STXBP5L: variants seen among roughly 807,000 people sequenced by gnomAD.
STXBP5L encodes syntaxin-binding protein 5-like.
STXBP5L carries 65 observed loss-of-function variants against 144.5 expected under a neutral mutation model. That is an observed-to-expected ratio of 0.45 (90% CI 0.37 to 0.55). The LOEUF is 0.55. Among genes scored for constraint, STXBP5L ranks in the 20% least tolerant of loss-of-function variants. The probability of loss-of-function intolerance (pLI) is 0.00; values close to 1 mark genes in which losing one functional copy is unlikely to be tolerated. For missense variants in STXBP5L, 1,298 were observed against 1,405.5 expected, an observed-to-expected ratio of 0.92 and a Z score of 1.22; for synonymous variants, 505 against 469.6, an observed-to-expected ratio of 1.08 and a Z score of -0.97.
At chr3:121,085,641 G>C (rs1316410649) in intron 5 of STXBP5L, among the ~76,000 whole-genome samples, 1 of 152,078 alleles carries the variant, frequency 6.6e-6, no homozygotes, top group East Asian at 1.9e-4. Context: ...AGCACTTCAA[G>C]AACTACAAAC....
At chr3:121,125,649 C>A (rs1027194387) in intron 7 of STXBP5L, among the ~76,000 whole-genome samples, 1 of 152,088 alleles carries the variant, frequency 6.6e-6, no homozygotes, top group African/African-American at 2.4e-5. Context: ...CTCTTAGCTT[C>A]TCTTGTCTCC....
intron 2 of STXBP5L, among the ~76,000 whole-genome samples, chr3:120,946,593 G>A (rs1710870455): frequency 6.6e-6 from 1 of 151,802 alleles, no homozygotes; most frequent in African/African-American, 2.4e-5. Context: ...TTGGGGAACA[G>A]TAGACAGTCC....
chr3:120,996,316 G>T (rs1384118106), intron 3 of STXBP5L, among the ~76,000 whole-genome samples: 1 of 151,738 alleles, frequency 6.6e-6, no homozygotes, highest in African/African-American at 2.4e-5. Flanking sequence ...AATTTTTAGT[G>T]ATAGTTATTT....
chr3:121,211,925 G>A (rs1177701729), intron 10 of STXBP5L, among the ~76,000 whole-genome samples: 2 of 152,122 alleles, frequency 1.3e-5, no homozygotes, highest in African/African-American at 4.8e-5. Flanking sequence ...GCATGAGATT[G>A]TATCTCATTG....
intron 3 of STXBP5L, among the ~76,000 whole-genome samples, chr3:120,996,656 C>G (rs964476874): frequency 6.6e-6 from 1 of 152,158 alleles, no homozygotes; most frequent in Non-Finnish European, 1.5e-5. Context: ...TTTTACCCTG[C>G]TCCTATGAAT....
chr3:121,002,333 G>T (rs1405661355), intron 3 of STXBP5L, among the ~76,000 whole-genome samples: 1 of 151,974 alleles, frequency 6.6e-6, no homozygotes, highest in Non-Finnish European at 1.5e-5. Context: ...TATATCTATT[G>T]TCCATCTGTT....
chr3:121,347,524 A>C (rs1212776866), intron 20 of STXBP5L, among the ~76,000 whole-genome samples: 1 of 152,196 alleles, frequency 6.6e-6, no homozygotes, highest in Non-Finnish European at 1.5e-5. Flanking sequence ...TGGGGATGGC[A>C]TTGAATCTAT....
chr3:121,110,921 C>A (rs1441444712), intron 5 of STXBP5L, among the ~76,000 whole-genome samples: 1 of 152,046 alleles, frequency 6.6e-6, no homozygotes, highest in East Asian at 1.9e-4. Context: ...AGGTTTTATT[C>A]ATTCCTTTTC....
At chr3:121,193,378 T>C (rs2047782671) in intron 9 of STXBP5L, among the ~76,000 whole-genome samples, 1 of 142,454 alleles carries the variant, frequency 7.0e-6, no homozygotes, top group Non-Finnish European at 1.5e-5. Flanking sequence ...TTAGTGGGAG[T>C]TTAAATTAGT....
At chr3:121,040,099 G>A (rs902263615) in intron 3 of STXBP5L, among the ~76,000 whole-genome samples, 2 of 151,686 alleles carry the variant, frequency 1.3e-5, no homozygotes, top group African/African-American at 4.8e-5. Context: ...TTTTATTTCT[G>A]GGTCTCTTTC....
At chr3:121,090,480 G>A (rs2042723380) in intron 5 of STXBP5L, among the ~76,000 whole-genome samples, 2 of 152,176 alleles carry the variant, frequency 1.3e-5, no homozygotes, top group African/African-American at 4.8e-5. Context: ...TATAGATGTA[G>A]AAAATATTAT....
chr3:121,297,381 A>C (rs2051698986), intron 19 of STXBP5L, among the ~76,000 whole-genome samples: 1 of 152,188 alleles, frequency 6.6e-6, no homozygotes, highest in Non-Finnish European at 1.5e-5. Flanking sequence ...TGGGGGGACA[A>C]AAGTCAGTCG....
intron 5 of STXBP5L, among the ~76,000 whole-genome samples, chr3:121,082,504 G>T (rs1057429994): frequency 6.6e-6 from 1 of 152,132 alleles, no homozygotes; most frequent in African/African-American, 2.4e-5. Flanking sequence ...ATCTGCTTGG[G>T]ACCCATTCCA....
intron 5 of STXBP5L, among the ~76,000 whole-genome samples, chr3:121,057,510 A>C (rs73189304): frequency 6.6e-6 from 1 of 152,068 alleles, no homozygotes; most frequent in Non-Finnish European, 1.5e-5. Context: ...ACCCCCAGGT[A>C]TCCTAATTTC....
chr3:121,341,528 A>T (rs891616728), intron 20 of STXBP5L, among the ~76,000 whole-genome samples: 1 of 152,146 alleles, frequency 6.6e-6, no homozygotes, highest in African/African-American at 2.4e-5. Context: ...GTATAGCCAG[A>T]AGAAAGGAAA....
chr3:121,323,723 T>G (rs1210099163), intron 20 of STXBP5L, among the ~76,000 whole-genome samples: 1 of 149,932 alleles, frequency 6.7e-6, no homozygotes, highest in Non-Finnish European at 1.5e-5. Context: ...ATTATATAAA[T>G]TGTTCATACT....
rs113296757 is a variant in STXBP5L at position 121,000,751 on chromosome 3, T to A, written c.288-40949T>A. On this transcript the variant is annotated intron_variant, in intron 3 of 26. Transcript: ENST00000471454. The stretch of plus-strand genomic sequence containing the variant: ...TCATCTGTGTGGGCTGATGTTCCTT[T>A]AATCTTTGAAGTTGCTGTCCTTTGG... Among the ~76,000 whole-genome samples the A allele has an allele frequency of 2.5e-3, 379 of 152,338 alleles. 2 individuals carry two copies. Among genetic ancestry groups the A allele is most frequent in the African/African-American group, 8.6e-3 (356 of 41,586 alleles).
At chr3:121,313,831 C>G (rs1454939492) in intron 19 of STXBP5L, among the ~76,000 whole-genome samples, 1 of 144,364 alleles carries the variant, frequency 6.9e-6, no homozygotes, top group Non-Finnish European at 1.5e-5. Flanking sequence ...GGGCTCCTCA[C>G]TTCTCAGACG....
intron 2 of STXBP5L, among the ~76,000 whole-genome samples, chr3:120,916,769 G>A (rs1042046662): frequency 1.3e-5 from 2 of 152,012 alleles, no homozygotes; most frequent in African/African-American, 4.8e-5. Flanking sequence ...AGAGAAAATT[G>A]TTATACTTCT....
Sources: allele counts gnomAD v4.1 joint callset (sites outside exome capture counted in the v4.1 genomes callset), GRCh38; gene constraint gnomAD v4.1.1; transcripts MANE v1.5; gene names NCBI Gene and HGNC (gene_info 2026-07-23, HGNC 2026-07-21).